CC2D1B: variants seen among roughly 807,000 people sequenced by gnomAD.
CC2D1B encodes the protein coiled-coil and C2 domain-containing protein 1B.
A neutral mutation model predicts 110.8 loss-of-function variants in CC2D1B; 92 were observed. The ratio of observed to expected loss-of-function variants is 0.83; its 90% CI spans 0.70 to 0.99. CC2D1B has a LOEUF of 0.99. CC2D1B is among the 50% of genes least tolerant of loss of function. The probability of loss-of-function intolerance (pLI) is 0.00; values close to 1 mark genes in which losing one functional copy is unlikely to be tolerated. For synonymous variants in CC2D1B, 406 were observed against 429.2 expected (o/e 0.95, Z 0.67); for missense variants, 1,136 against 1,089.0 (o/e 1.04, Z -0.61).
At chr1:52,355,114 C>A in intron 21 of CC2D1B, 175 bp from the exon 22 acceptor site, 1 of 640,640 alleles carries the variant, frequency 1.6e-6, no homozygotes, top group Admixed American at 2.7e-5. Flanking sequence ...AGTTTTTGTA[C>A]TCTTTTTAGT....
At chr1:52,355,549 C>T in intron 20 of CC2D1B, 59 bp downstream of exon 20, 1 of 1,609,404 alleles carries the variant, frequency 6.2e-7, no homozygotes, top group Non-Finnish European at 8.5e-7. Flanking sequence ...AGAAAGTGAG[C>T]ACAGGGTCCT....
chr1:52,351,043 C>G lies in CC2D1B; in HGVS notation c.*2182G>C, dbSNP rs557576178. The G allele has an allele frequency of 6.6e-6, 1 of 152,202 alleles. No homozygotes were observed. Among genetic ancestry groups the G allele is most frequent in the Non-Finnish European group, 1.5e-5 (1 of 68,054 alleles). The allele number at this position is 152,202 out of a possible 1,614,324, so 9.4% of individuals were successfully genotyped here. A position where few individuals can be genotyped will look rare whatever the true frequency, so the allele number is the denominator to read the frequency against. ...ATTACAGGCGTGAGCCACTGTGTCC[C>G]GCCTGTTTCCTGTATGTGGATAAAT... On this transcript the variant is annotated 3_prime_UTR_variant, in exon 25 of 25. Transcript: ENST00000284376.
intron 6 of CC2D1B, 68 bp from the exon 7 acceptor site, chr1:52,360,301 CA>C (rs1484975041): frequency 1.2e-5 from 19 of 1,600,988 alleles, no homozygotes; most frequent in Middle Eastern, 1.7e-4. Context: ...CAAGACAGGC[CA>C]GGGGTGGCCC....
chr1:52,360,806 T>C, intron 5 of CC2D1B, 168 bp downstream of exon 5: 1 of 960,384 alleles, frequency 1.0e-6, no homozygotes, highest in Non-Finnish European at 1.5e-6. Flanking sequence ...CCTTTGAGGC[T>C]GGCTGCCACG....
chr1:52,361,404 C>T, intron 4 of CC2D1B, 109 bp downstream of exon 4: 1 of 1,557,326 alleles, frequency 6.4e-7, no homozygotes, highest in South Asian at 1.2e-5. Context: ...CAAGCACTCA[C>T]TCAGAGTCAG....
intron 15 of CC2D1B, 166 bp from the exon 16 acceptor site, chr1:52,357,292 A>G (rs1646674994): frequency 3.1e-6 from 3 of 955,854 alleles, no homozygotes; most frequent in Admixed American, 5.4e-5. Context: ...CTTGCCTCCC[A>G]TGGCCTGGCC....
chr1:52,364,186 A>AC (rs1190902873), intron 2 of CC2D1B, among the ~76,000 whole-genome samples: 1 of 151,860 alleles, frequency 6.6e-6, no homozygotes, highest in African/African-American at 2.4e-5. Flanking sequence ...TGGAGAGGAG[A>AC]CCCCCCTGTT....
chr1:52,353,354 G>A (rs1646567504), intron 24 of CC2D1B, 131 bp from the exon 25 acceptor site: 1 of 1,501,406 alleles, frequency 6.7e-7, no homozygotes, highest in Middle Eastern at 1.9e-4. Flanking sequence ...TCTCTTCCCA[G>A]TTCTACTGAG....
chr1:52,364,604 C>T lies in CC2D1B; in HGVS notation c.17G>A (p.Arg6Lys), dbSNP rs545632613. 3.4e-5 allele frequency: 54 copies of T among 1,607,704 alleles called. No homozygotes were observed. The highest frequency in any genetic ancestry group is 2.0e-4 in the South Asian group (18 of 90,558). The change falls in exon 2 of 25, where the codon AGA (arginine) becomes AAA (lysine). Residue 6 changes from arginine to lysine, a missense_variant. Physicochemically the swap from Arg to Lys is conservative, Grantham distance 26. Coordinates refer to ENST00000284376, the MANE Select transcript of CC2D1B (RefSeq NM_001330585.2). MMPGP[R>K]PRKGPQARGQ... ...TCTGGCCTGAGGGCCCTTCCGAGGT[C>T]TTGGCCCTGGCATCATGGCAGCCTA...
chr1:52,357,364 C>T (rs1277030389), intron 15 of CC2D1B, among the ~76,000 whole-genome samples, 162 bp downstream of exon 15: 4 of 152,212 alleles, frequency 2.6e-5, no homozygotes, highest in Non-Finnish European at 4.4e-5. Flanking sequence ...CCTTTGGGGC[C>T]GTGAGGTAGA....
rs1055012439 is a variant in CC2D1B, at chr1:52,359,291, C to T, written c.1085G>A (p.Arg362Gln). 15 of 1,613,102 alleles carry T rather than the reference C, an allele frequency of 9.3e-6. No individual in the cohort carries two copies. The highest frequency in any genetic ancestry group is 2.2e-5 in the East Asian group (1 of 44,856). The change falls in exon 10 of 25, where the codon CGA becomes CAA. Residue 362 changes from arginine (R) to glutamine (Q), a missense_variant. Physicochemically the swap from Arg to Gln is conservative, Grantham distance 43. Transcript: ENST00000284376. ...APSVIPPAVE[R>Q]VQPVMAPDVP... The stretch of plus-strand genomic sequence containing the variant: ...GTCAGGGGCCATCACTGGCTGCACT[C>T]GCTCCACGGCTGGGGGAATGACTGA...
At chr1:52,363,916 G>A (rs1022005225) in intron 2 of CC2D1B, among the ~76,000 whole-genome samples, 1 of 152,032 alleles carries the variant, frequency 6.6e-6, no homozygotes, top group African/African-American at 2.4e-5. Flanking sequence ...CCTGACCTCA[G>A]GTGATCCACC....
chr1:52,361,521 C>T lies in CC2D1B; in HGVS notation c.310G>A (p.Glu104Lys), dbSNP rs1414554188. The T allele has an allele frequency of 1.9e-6, 3 of 1,613,944 alleles. No individual in the cohort carries two copies. Among genetic ancestry groups the T allele is most frequent in the Admixed American group, 1.7e-5 (1 of 60,010 alleles). ...CAGCCTGGCAGACACACCAGCAGCT[C>T]TGCATCTTCCTCCAGCCCTTCCTCC... ...EEEEGLEEDA[E>K]LLTELQEVLG... The change falls in exon 4 of 25, where the codon GAG (glutamate) becomes AAG (lysine). Residue 104 changes from glutamate to lysine, a missense_variant. Physicochemically the swap from Glu to Lys is moderately conservative, Grantham distance 56. Transcript: ENST00000284376.
chr1:52,365,259 G>A (rs1646857854), intron 1 of CC2D1B, among the ~76,000 whole-genome samples: 1 of 152,272 alleles, frequency 6.6e-6, no homozygotes, highest in Non-Finnish European at 1.5e-5. Flanking sequence ...ATGAACCTAA[G>A]ACGGTCTCAG....
At position 52,361,543 on chromosome 1, in the gene CC2D1B, C is replaced by T. The variant is rs772004819; in HGVS notation, c.288G>A (p.Glu96=). The T allele has an allele frequency of 2.1e-6, 3 of 1,420,844 alleles. No individual in the cohort carries two copies. Among genetic ancestry groups the T allele is most frequent in the South Asian group, 1.4e-5 (1 of 71,522 alleles). 88.0% of individuals were successfully genotyped at this position (1,420,844 alleles called of 1,614,324 possible). ...CMRDVEEEEE[E]EGLEEDAELL... Reference sequence around the variant, plus strand: ...GCTCTGCATCTTCCTCCAGCCCTTCCTCCTCCTCCTCCTCCTCCACATCCC... The same window carrying T: ...GCTCTGCATCTTCCTCCAGCCCTTCTTCCTCCTCCTCCTCCTCCACATCCC... The change falls in exon 4 of 25, where the codon GAG becomes GAA. Residue 96 remains glutamate (E), a synonymous_variant. Transcript: ENST00000284376.
In CC2D1B at chr1:52,361,541, TC is replaced by T; in HGVS notation, c.289del (p.Glu97LysfsTer10). 1 of 1,417,516 alleles carries T rather than the reference TC, an allele frequency of 7.1e-7. No individual in the cohort carries two copies. Among genetic ancestry groups the T allele is most frequent in the Non-Finnish European group, 9.5e-7 (1 of 1,054,640 alleles). 87.8% of individuals were successfully genotyped at this position (1,417,516 alleles called of 1,614,324 possible). ...CAGCTCTGCATCTTCCTCCAGCCCT[TC>T]CTCCTCCTCCTCCTCCTCCACATCC... ...MRDVEEEEEE[E>X]GLEEDAELLT... On this transcript the variant is annotated frameshift_variant, in exon 4 of 25. Coordinates refer to ENST00000284376, the MANE Select transcript of CC2D1B (RefSeq NM_001330585.2). LOFTEE classifies it high-confidence loss of function.
chr1:52,357,204 A>G, intron 15 of CC2D1B, 78 bp from the exon 16 acceptor site: 2 of 1,530,762 alleles, frequency 1.3e-6, no homozygotes, highest in Non-Finnish European at 1.8e-6. Context: ...CAGGAGCCCA[A>G]ACTAAGTAAT....
chr1:52,356,383 C>G lies in CC2D1B; in HGVS notation c.1937+1G>C. ...AGCCCAGCCCCAGCCCTTGCACTTA[C>G]CGGGTGGTCTCAGCCACGTTGCCCT... On this transcript the variant is annotated splice_donor_variant, in intron 17 of 24. Transcript: ENST00000284376. LOFTEE classifies it high-confidence loss of function. 1 of 1,614,210 alleles carries G rather than the reference C, an allele frequency of 6.2e-7. No homozygotes were observed. Among genetic ancestry groups the G allele is most frequent in the Non-Finnish European group, 8.5e-7 (1 of 1,180,018 alleles).
At chr1:52,362,468 TG>T in intron 3 of CC2D1B, 133 bp downstream of exon 3, 1 of 1,079,184 alleles carries the variant, frequency 9.3e-7, no homozygotes, top group Middle Eastern at 3.2e-4. Context: ...CGCCTCTTGG[TG>T]GGAGTGCGGC....
Sources: allele counts gnomAD v4.1 joint callset (sites outside exome capture counted in the v4.1 genomes callset), GRCh38; gene constraint gnomAD v4.1.1; transcripts MANE v1.5; gene names NCBI Gene and HGNC (gene_info 2026-07-23, HGNC 2026-07-21).